Variants in TEX10 observed in about 807,000 individuals in gnomAD.
TEX10 encodes the protein testis expressed 10, also known as testis-expressed protein 10.
In TEX10, 24 loss-of-function variants were observed where a neutral mutation model predicts 104.4. The observed-to-expected ratio is 0.23, with a 90% CI of 0.17 to 0.32. The LOEUF is 0.32. TEX10 is among the 10% of genes least tolerant of loss of function. The probability of loss-of-function intolerance (pLI) is 1.00; values close to 1 mark genes in which losing one functional copy is unlikely to be tolerated. For synonymous variants in TEX10, 396 were observed against 393.4 expected (o/e 1.01, Z -0.08); for missense variants, 921 against 1,083.9 (o/e 0.85, Z 2.11).
intron 11 of TEX10, among the ~76,000 whole-genome samples, chr9:100,318,305 C>T (rs1834471510): frequency 6.6e-6 from 1 of 152,164 alleles, no homozygotes; most frequent in African/African-American, 2.4e-5. Context: ...AAAATCATGC[C>T]TTCTGCAGCA....
chr9:100,304,942 C>A (rs748771745), intron 13 of TEX10: 5 of 152,070 alleles, frequency 3.3e-5, no homozygotes, highest in Non-Finnish European at 7.4e-5. Context: ...GACAAGTGGG[C>A]CCTAATTAAA....
intron 13 of TEX10, 62 bp downstream of exon 13, chr9:100,308,438 T>G: frequency 4.3e-6 from 6 of 1,389,900 alleles, no homozygotes; most frequent in Non-Finnish European, 5.8e-6. Context: ...GTCTATTTTA[T>G]TATTTGGTTG....
At chr9:100,323,966 A>G (rs1834640403) in intron 9 of TEX10, among the ~76,000 whole-genome samples, 1 of 152,220 alleles carries the variant, frequency 6.6e-6, no homozygotes, top group Non-Finnish European at 1.5e-5. Flanking sequence ...ATGGTCAAGA[A>G]GAGGAGCTAT....
chr9:100,352,730 G>T, intron 1 of TEX10, 42 bp downstream of exon 1: 2 of 1,208,332 alleles, frequency 1.7e-6, no homozygotes, highest in Non-Finnish European at 2.1e-6. Context: ...GCTCAGTCCC[G>T]CGCCCCGGGA....
intron 5 of TEX10, among the ~76,000 whole-genome samples, chr9:100,336,280 TGGCACCAGTCCGCGGCCTGTTA>T (rs1835006320): frequency 6.6e-6 from 1 of 152,222 alleles, no homozygotes; most frequent in South Asian, 2.1e-4. Context: ...GGCCATAGAC[TGGCACCAGTCCGCGGCCTGTTA>T]GGAACCAGGC....
intron 13 of TEX10, chr9:100,305,974 G>A (rs1168065020): frequency 1.3e-5 from 2 of 152,034 alleles, no homozygotes; most frequent in African/African-American, 4.8e-5. Context: ...CTAAAATAAG[G>A]GAGAATGCCG....
chr9:100,344,325 T>G (rs1347303598), intron 4 of TEX10, among the ~76,000 whole-genome samples: 2 of 152,192 alleles, frequency 1.3e-5, no homozygotes, highest in African/African-American at 2.4e-5. Context: ...GCATACTATT[T>G]TAAATATCCA....
In TEX10 at chr9:100,352,785, C is replaced by T; in HGVS notation, c.-23G>A. 9.2e-7 allele frequency: 1 copy of T among 1,084,166 alleles called. No individual in the cohort carries two copies. Among genetic ancestry groups the T allele is most frequent in the Non-Finnish European group, 1.1e-6 (1 of 895,584 alleles). 67.2% of individuals were successfully genotyped at this position (1,084,166 alleles called of 1,614,324 possible). On this transcript the variant is annotated 5_prime_UTR_variant, in exon 1 of 15. Transcript: ENST00000374902. ...ACGGCCGCTTACCTGAGGACCCGGCCGCGGCCGGGGCGAGAAGCCCGAGAA... is the reference window on the plus strand; with the variant it reads ...ACGGCCGCTTACCTGAGGACCCGGCTGCGGCCGGGGCGAGAAGCCCGAGAA...
chr9:100,315,443 T>C (rs1834392672), intron 11 of TEX10, among the ~76,000 whole-genome samples: 1 of 152,172 alleles, frequency 6.6e-6, no homozygotes, highest in Non-Finnish European at 1.5e-5. Flanking sequence ...GTTGGGTGCA[T>C]ATATACTTAG....
At chr9:100,336,436 T>C (rs1182897645) in intron 5 of TEX10, among the ~76,000 whole-genome samples, 1 of 152,194 alleles carries the variant, frequency 6.6e-6, no homozygotes, top group African/African-American at 2.4e-5. Context: ...TCGATTCTCA[T>C]AGGAGCATGA....
intron 9 of TEX10, among the ~76,000 whole-genome samples, chr9:100,325,799 G>C (rs1440852295): frequency 6.6e-6 from 1 of 152,068 alleles, no homozygotes; most frequent in African/African-American, 2.4e-5. Flanking sequence ...AAAATGCTGG[G>C]ATTACAGGCA....
rs1412911454 is a variant in TEX10 at position 100,349,266 on chromosome 9, A to C, written c.98T>G (p.Phe33Cys). ...AGGCAGATGTATAGTCTTTGTTTTA[A>C]AGTTTGTAGGAGTAGCATTTTGTAA... The part of the protein sequence containing the change: ...PKLQNATPTN[F>C]KTKTIHLPEQ... Residue 33 changes from phenylalanine (F) to cysteine (C), a missense_variant, in exon 2 of 15, where the codon TTT becomes TGT. Physicochemically the swap from Phe to Cys is radical, Grantham distance 205 (BLOSUM62 -2). Around this residue, in one of 3 missense-constraint regions of TEX10, gnomAD observed 118 missense variants for 111.3 expected, o/e 1.06. Coordinates refer to ENST00000374902, the MANE Select transcript of TEX10 (RefSeq NM_017746.4). 2.5e-6 allele frequency: 4 copies of C among 1,607,634 alleles called. No homozygotes were observed. The African/African-American group carries it at 5.4e-5, about 22-fold the overall frequency.
At chr9:100,313,836 CTG>C (rs1272176299) in intron 11 of TEX10, among the ~76,000 whole-genome samples, 4 of 145,468 alleles carry the variant, frequency 2.7e-5, no homozygotes, top group Non-Finnish European at 6.0e-5. Context: ...CAGAGTGAAA[CTG>C]TGTTTCCAAA....
intron 12 of TEX10, among the ~76,000 whole-genome samples, chr9:100,309,960 A>G (rs1000351220): frequency 6.6e-5 from 10 of 152,188 alleles, no homozygotes; most frequent in African/African-American, 2.2e-4. Context: ...CCCAGACTTC[A>G]GTCTAGATGT....
chr9:100,332,817 T>A (rs1834901262), intron 5 of TEX10, among the ~76,000 whole-genome samples: 1 of 144,526 alleles, frequency 6.9e-6, no homozygotes, highest in African/African-American at 2.6e-5. Context: ...CGAAACTCCA[T>A]CTCAAAAAAA....
At chr9:100,320,442 CA>C in intron 10 of TEX10, 44 bp from the exon 11 acceptor site, 1 of 1,544,310 alleles carries the variant, frequency 6.5e-7, no homozygotes, top group Non-Finnish European at 8.7e-7. Flanking sequence ...AAACAAAAAA[CA>C]AAAAACAATG....
rs1014620379 is a variant in TEX10, at chr9:100,308,761, C to T, written c.2284-80G>A. ...CATAAAACCAAAACCTGTTAATTCA[C>T]GATTAACTTTACATTATTTCTACTG... On this transcript the variant is annotated intron_variant, in intron 12 of 14. Coordinates refer to ENST00000374902, the MANE Select transcript of TEX10 (RefSeq NM_017746.4). 4.8e-5 allele frequency: 61 copies of T among 1,278,296 alleles called. No individual in the cohort carries two copies. In the East Asian group the frequency reaches 1.1e-3, roughly 23 times the overall value. 79.2% of individuals were successfully genotyped at this position (1,278,296 alleles called of 1,614,324 possible). A position where few individuals can be genotyped will look rare whatever the true frequency, so the allele number is the denominator to read the frequency against.
intron 4 of TEX10, among the ~76,000 whole-genome samples, chr9:100,344,410 A>C (rs1200701821): frequency 6.6e-6 from 1 of 152,210 alleles, no homozygotes; most frequent in Non-Finnish European, 1.5e-5. Context: ...ATAATTAATA[A>C]ATTTTCAGAT....
chr9:100,303,911 C>T (rs1263574723), intron 13 of TEX10, 69 bp from the exon 14 acceptor site: 4 of 1,451,072 alleles, frequency 2.8e-6, no homozygotes, highest in African/African-American at 1.4e-5. Flanking sequence ...TTCTATATTC[C>T]CCCAAAGTGA....
Sources: allele counts gnomAD v4.1 joint callset (sites outside exome capture counted in the v4.1 genomes callset), GRCh38; gene constraint gnomAD v4.1.1; regional missense constraint gnomAD v4.1.1; transcripts MANE v1.5; gene names NCBI Gene and HGNC (gene_info 2026-07-23, HGNC 2026-07-21).